Variants in CNGA3 observed in about 807,000 individuals in gnomAD.
The protein encoded by CNGA3 is cyclic nucleotide gated channel subunit alpha 3, also known as cyclic nucleotide-gated channel alpha-3.
Under a neutral mutation model 46.6 loss-of-function variants are expected in CNGA3, and 42 were observed. The ratio of observed to expected loss-of-function variants is 0.90; its 90% CI spans 0.70 to 1.17. CNGA3 has a LOEUF of 1.17. Ranked by LOEUF, CNGA3 falls within the 50% of genes most tolerant of loss-of-function variation. The pLI is 0.00. For synonymous variants in CNGA3, 394 were observed against 369.4 expected (o/e 1.07, Z -0.76); for missense variants, 893 against 890.7 (o/e 1.00, Z -0.03).
chr2:98,391,827 C>T (rs1029807208), intron 6 of CNGA3, 37 bp from the exon 7 acceptor site: 1 of 1,602,842 alleles, frequency 6.2e-7, no homozygotes. Context: ...TCCAGAAACA[C>T]ACGCACAGCC....
intron 1 of CNGA3, among the ~76,000 whole-genome samples, chr2:98,369,448 G>A (rs1247863926): frequency 6.6e-6 from 1 of 152,178 alleles, no homozygotes; most frequent in Non-Finnish European, 1.5e-5. Context: ...ATTGGGTTTA[G>A]CATTATATTG....
intron 5 of CNGA3, among the ~76,000 whole-genome samples, chr2:98,387,212 G>A (rs531974426): frequency 2.6e-5 from 4 of 152,210 alleles, no homozygotes; most frequent in African/African-American, 7.2e-5. Flanking sequence ...CTGCATGGTC[G>A]TGTGATTCGG....
At position 98,383,579 on chromosome 2, in the gene CNGA3, C is replaced by T. The variant is rs1259973800; in HGVS notation, c.449+138C>T. On this transcript the variant is annotated intron_variant, in intron 5 of 7. Transcript: ENST00000272602. ...CAGTAGAATATTTTAGAATCCTGTTCCCTTCGTTGGAATTCCATCCCTGTG... is the reference window on the plus strand; with the variant it reads ...CAGTAGAATATTTTAGAATCCTGTTTCCTTCGTTGGAATTCCATCCCTGTG... The T allele has an allele frequency of 5.9e-6, 5 of 850,192 alleles. No homozygotes were observed. The East Asian group carries it at 1.3e-4, about 22-fold the overall frequency. 52.7% of individuals were successfully genotyped at this position (850,192 alleles called of 1,614,324 possible).
intron 1 of CNGA3, among the ~76,000 whole-genome samples, chr2:98,367,667 C>A (rs147792714): frequency 1.3e-5 from 2 of 152,264 alleles, no homozygotes; most frequent in African/African-American, 4.8e-5. Context: ...GGCAACACCC[C>A]CCATCACCCC....
chr2:98,347,128 ACTGC>A (rs2106062648), intron 1 of CNGA3: 1 of 152,520 alleles, frequency 6.6e-6, no homozygotes, highest in East Asian at 1.9e-4. Context: ...GCGGCGAAGG[ACTGC>A]CCCCCAACCC....
chr2:98,393,577 G>A (rs1692841319), intron 7 of CNGA3, among the ~76,000 whole-genome samples: 1 of 152,188 alleles, frequency 6.6e-6, no homozygotes, highest in African/African-American at 2.4e-5. Flanking sequence ...AGCCAGCCCT[G>A]GTCACCTGCC....
Position 98,380,293 on chromosome 2 carries a change from A to G in CNGA3, c.334A>G (p.Ser112Gly). Residue 112 changes from serine (S) to glycine (G), a missense_variant, in exon 4 of 8, where the codon AGC becomes GGC. Ser to Gly is a moderately conservative substitution (Grantham distance 56). Coordinates refer to ENST00000272602, the MANE Select transcript of CNGA3 (RefSeq NM_001298.3). The part of the protein sequence containing the change: ...FRGAELKEVS[S>G]QESNAQANVG... ...TGGAGCCGAGCTTAAGGAGGTGTCCAGCCAAGAAAGCAATGCCCAGGCAAA... is the reference window on the plus strand; with the variant it reads ...TGGAGCCGAGCTTAAGGAGGTGTCCGGCCAAGAAAGCAATGCCCAGGCAAA... 3 of 1,614,256 alleles carry G rather than the reference A, an allele frequency of 1.9e-6. No individual in the cohort carries two copies. Among genetic ancestry groups the G allele is most frequent in the Non-Finnish European group, 2.5e-6 (3 of 1,180,054 alleles).
rs756847787 is a variant in CNGA3, at chr2:98,397,206, A to T, written c.2036A>T (p.Asp679Val). 1.2e-6 allele frequency: 2 copies of T among 1,614,084 alleles called. No individual in the cohort carries two copies. The highest frequency in any genetic ancestry group is 1.7e-6 in the Non-Finnish European group (2 of 1,180,030). ...VKGGGDKPLADGEVPGDATKT... is the reference protein window; with the variant it reads ...VKGGGDKPLAVGEVPGDATKT... ...GGTGGTGGGGACAAGCCCCTGGCTG[A>T]TGGGGAAGTTCCCGGGGATGCTACA... The change falls in exon 8 of 8, where the codon GAT becomes GTT. Residue 679 changes from aspartate (D) to valine (V), a missense_variant. This residue lies in a region of CNGA3 where 548 missense variants were observed against 570.8 expected (regional missense o/e 0.96). Coordinates refer to ENST00000272602, the MANE Select transcript of CNGA3 (RefSeq NM_001298.3).
rs2104229154 is a variant in CNGA3, at chr2:98,389,667, GA to G, written c.464del (p.Lys155ArgfsTer18). Reference protein sequence around the residue: ...SNNTEEEKKTKKKDAIVVDPS... With the variant: ...SNNTEEEKKTXKKDAIVVDPS... The stretch of plus-strand genomic sequence containing the variant: ...ATGTGTGGGTTTCCAGGAAGAAGAC[GA>G]AAAAGAAGGATGCGATCGTGGTGGA... On this transcript the variant is annotated frameshift_variant, in exon 6 of 8. Transcript: ENST00000272602. LOFTEE classifies it high-confidence loss of function. The G allele has an allele frequency of 6.2e-7, 1 of 1,613,936 alleles. No individual in the cohort carries two copies. The highest frequency in any genetic ancestry group is 8.5e-7 in the Non-Finnish European group (1 of 1,179,970).
intron 1 of CNGA3, among the ~76,000 whole-genome samples, chr2:98,366,998 C>G (rs372653832): frequency 5.9e-5 from 9 of 152,124 alleles, no homozygotes; most frequent in African/African-American, 2.2e-4. Flanking sequence ...AATGAGAGGT[C>G]CCCTTGCCCT....
Position 98,377,747 on chromosome 2 carries a change from C to A in CNGA3, c.162C>A (p.Thr54=). ...TGCAGCCGGGGATCGCCATGGAGAC[C>A]AGAGGACTGGCTGACTCCGGGCAGG... The part of the protein sequence containing the change: ...SVLQPGIAME[T]RGLADSGQGS... Residue 54 remains threonine (T), a synonymous_variant, in exon 3 of 8, where the codon ACC becomes ACA. Coordinates refer to ENST00000272602, the MANE Select transcript of CNGA3 (RefSeq NM_001298.3). 6.2e-7 allele frequency: 1 copy of A among 1,613,240 alleles called. No homozygotes were observed. Among genetic ancestry groups the A allele is most frequent in the South Asian group, 1.1e-5 (1 of 90,938 alleles).
intron 1 of CNGA3, among the ~76,000 whole-genome samples, chr2:98,362,581 T>C (rs925401321): frequency 2.0e-5 from 3 of 152,074 alleles, no homozygotes; most frequent in African/African-American, 7.2e-5. Context: ...ATTGCAAAAA[T>C]TTTCTCCCAT....
At position 98,396,861 on chromosome 2, in the gene CNGA3, G is replaced by C; in HGVS notation, c.1691G>C (p.Arg564Thr). Residue 564 changes from arginine (R) to threonine (T), a missense_variant, in exon 8 of 8, where the codon AGG becomes ACG. Physicochemically the swap from Arg to Thr is moderately conservative, Grantham distance 71. Around this residue, in one of 3 missense-constraint regions of CNGA3, gnomAD observed 548 missense variants for 570.8 expected, o/e 0.96. Transcript: ENST00000272602. Reference protein sequence around the residue: ...NIKGSKSGNRRTANIRSIGYS... With the variant: ...NIKGSKSGNRTTANIRSIGYS... ...AAGGGGAGCAAGTCGGGGAACCGCA[G>C]GACGGCCAACATCCGCAGCATTGGC... 1.2e-6 allele frequency: 2 copies of C among 1,614,202 alleles called. No homozygotes were observed. The highest frequency in any genetic ancestry group is 1.7e-6 in the Non-Finnish European group (2 of 1,180,040).
At chr2:98,395,211 C>G (rs1267746842) in intron 7 of CNGA3, among the ~76,000 whole-genome samples, 2 of 152,062 alleles carry the variant, frequency 1.3e-5, no homozygotes. Context: ...ACTCTGTTGC[C>G]CAGGCTGGAG....
At chr2:98,374,982 G>A (rs1692371496) in intron 2 of CNGA3, among the ~76,000 whole-genome samples, 1 of 152,212 alleles carries the variant, frequency 6.6e-6, no homozygotes, top group Non-Finnish European at 1.5e-5. Context: ...AGCCCAGAGA[G>A]GGTAAGTGAC....
intron 1 of CNGA3, among the ~76,000 whole-genome samples, chr2:98,346,830 G>T (rs1175581003): frequency 6.6e-6 from 1 of 152,074 alleles, no homozygotes; most frequent in Admixed American, 6.5e-5. Context: ...CAAGCCGATC[G>T]CACCCCCTTT....
At chr2:98,359,204 T>A (rs1691964440) in intron 1 of CNGA3, among the ~76,000 whole-genome samples, 1 of 152,196 alleles carries the variant, frequency 6.6e-6, no homozygotes, top group Admixed American at 6.5e-5. Context: ...GAAGAGTATA[T>A]TCCCTCAGGC....
At chr2:98,353,685 G>T (rs1054027276) in intron 1 of CNGA3, among the ~76,000 whole-genome samples, 16 of 152,128 alleles carry the variant, frequency 1.1e-4, no homozygotes, top group African/African-American at 3.9e-4. Context: ...GTCTTATATT[G>T]CTATAAAGAA....
At chr2:98,377,412 A>G (rs1692429839) in intron 2 of CNGA3, 1 of 411,772 alleles carries the variant, frequency 2.4e-6, no homozygotes, top group African/African-American at 2.0e-5. Context: ...CAGTGCTTTG[A>G]TGAGGGCCAG....
Sources: allele counts gnomAD v4.1 joint callset (sites outside exome capture counted in the v4.1 genomes callset), GRCh38; gene constraint gnomAD v4.1.1; regional missense constraint gnomAD v4.1.1; transcripts MANE v1.5; gene names NCBI Gene and HGNC (gene_info 2026-07-23, HGNC 2026-07-21).